The following FGD4 variants were observed in gnomAD, a reference collection of about 807,000 sequenced individuals.
The protein encoded by FGD4 is FYVE, RhoGEF and PH domain containing 4, also known as FYVE, RhoGEF and PH domain-containing protein 4.
FGD4 carries 42 observed loss-of-function variants against 102.0 expected under a neutral mutation model. That is an observed-to-expected ratio of 0.41 (90% CI 0.32 to 0.53). The LOEUF (loss-of-function observed/expected upper bound fraction) is 0.53, where lower values mean the gene tolerates loss of function less well. Ranked by LOEUF, FGD4 falls within the 20% of genes least tolerant of loss-of-function variation. FGD4 has a pLI of 0.21. For synonymous variants in FGD4, 380 were observed against 375.7 expected (o/e 1.01, Z -0.13); for missense variants, 902 against 1,078.2 (o/e 0.84, Z 2.29).
chr12:32,422,123 G>T (rs561697622), intron 1 of FGD4, among the ~76,000 whole-genome samples: 1 of 146,902 alleles, frequency 6.8e-6, no homozygotes, highest in Non-Finnish European at 1.5e-5. Context: ...CAGTGTGGGC[G>T]ACAGAATGAG....
chr12:32,532,782 G>C (rs1941922884), intron 1 of FGD4, among the ~76,000 whole-genome samples: 1 of 152,106 alleles, frequency 6.6e-6, no homozygotes, highest in Non-Finnish European at 1.5e-5. Context: ...TAACACATAT[G>C]GGTGGAGTTT....
chr12:32,581,819 A>G (rs1946640340), intron 3 of FGD4, 141 bp from the exon 4 acceptor site: 9 of 880,192 alleles, frequency 1.0e-5, no homozygotes, highest in Non-Finnish European at 1.4e-5. Flanking sequence ...CACTAAGAAT[A>G]TTCAAATCCA....
chr12:32,635,187 C>T (rs1183931329), intron 15 of FGD4, among the ~76,000 whole-genome samples: 2 of 152,094 alleles, frequency 1.3e-5, no homozygotes, highest in Admixed American at 1.3e-4. Context: ...AGATGTTACT[C>T]GTATGGCCTA....
intron 1 of FGD4, among the ~76,000 whole-genome samples, chr12:32,461,331 A>C (rs577632331): frequency 1.3e-5 from 2 of 152,284 alleles, no homozygotes; most frequent in Admixed American, 1.3e-4. Context: ...TGTATGATTC[A>C]TGATATCACC....
At chr12:32,494,091 G>C (rs936113545) in intron 1 of FGD4, among the ~76,000 whole-genome samples, 1 of 152,232 alleles carries the variant, frequency 6.6e-6, no homozygotes, top group Admixed American at 6.5e-5. Flanking sequence ...TGTTGCCCAG[G>C]CTGGAGTGCA....
chr12:32,546,915 T>A (rs1943269161), intron 1 of FGD4, among the ~76,000 whole-genome samples: 1 of 152,142 alleles, frequency 6.6e-6, no homozygotes, highest in African/African-American at 2.4e-5. Context: ...GTCTATTGAG[T>A]TATCCTAAAT....
At chr12:32,461,398 A>G (rs1386045212) in intron 1 of FGD4, among the ~76,000 whole-genome samples, 2 of 152,206 alleles carry the variant, frequency 1.3e-5, no homozygotes, top group African/African-American at 4.8e-5. Context: ...AGGAGCTCAC[A>G]TGTTATAGAA....
chr12:32,447,163 C>T (rs936896064), intron 1 of FGD4, among the ~76,000 whole-genome samples: 2 of 152,152 alleles, frequency 1.3e-5, no homozygotes, highest in Admixed American at 6.5e-5. Context: ...TCATCCAGAC[C>T]GATGACTCCT....
chr12:32,483,035 C>A (rs1353616916), intron 1 of FGD4, among the ~76,000 whole-genome samples: 1 of 152,080 alleles, frequency 6.6e-6, no homozygotes, highest in African/African-American at 2.4e-5. Flanking sequence ...TATCAAGATA[C>A]GGAATATAAT....
intron 5 of FGD4, among the ~76,000 whole-genome samples, chr12:32,599,554 TTTTTTTTTTTG>T (rs1411989345): frequency 3.2e-4 from 20 of 61,898 alleles, no homozygotes; most frequent in African/African-American, 1.1e-3. Flanking sequence ...TTTTTTTTTT[TTTTTTTTTTTG>T]GAGATGGAGT....
chr12:32,449,208 A>G (rs1942703616), intron 1 of FGD4, among the ~76,000 whole-genome samples: 1 of 152,168 alleles, frequency 6.6e-6, no homozygotes, highest in Admixed American at 6.5e-5. Context: ...TTTTGTCTTA[A>G]CAAACAAGGA....
At chr12:32,554,983 G>A (rs867656561) in intron 1 of FGD4, among the ~76,000 whole-genome samples, 4 of 152,252 alleles carry the variant, frequency 2.6e-5, no homozygotes, top group Admixed American at 6.5e-5. Flanking sequence ...ATCCATTGGA[G>A]AATTTTAAGC....
intron 11 of FGD4, 74 bp downstream of exon 11, chr12:32,619,944 T>C: frequency 6.4e-7 from 1 of 1,556,036 alleles, no homozygotes; most frequent in Non-Finnish European, 8.8e-7. Context: ...AGAATGGCTC[T>C]GAGGGTTTTT....
chr12:32,533,728 A>G (rs1303447431), intron 1 of FGD4, among the ~76,000 whole-genome samples: 1 of 152,212 alleles, frequency 6.6e-6, no homozygotes, highest in African/African-American at 2.4e-5. Flanking sequence ...CCTGGCTTTA[A>G]TCTGACATTT....
chr12:32,457,008 C>T (rs985652550), intron 1 of FGD4, among the ~76,000 whole-genome samples: 4 of 152,204 alleles, frequency 2.6e-5, no homozygotes, highest in South Asian at 2.1e-4. Flanking sequence ...AATGAAAATG[C>T]GAGAACAGGA....
chr12:32,596,083 G>T (rs1227303982), intron 4 of FGD4, among the ~76,000 whole-genome samples: 1 of 152,136 alleles, frequency 6.6e-6, no homozygotes, highest in African/African-American at 2.4e-5. Flanking sequence ...ATATACTTTG[G>T]TCTACTTTGC....
intron 1 of FGD4, among the ~76,000 whole-genome samples, chr12:32,471,790 G>T (rs990624856): frequency 6.6e-6 from 1 of 152,114 alleles, no homozygotes; most frequent in African/African-American, 2.4e-5. Flanking sequence ...TTCCAACAGG[G>T]AGGCAGTGGA....
At chr12:32,621,872 C>T (rs942030938) in intron 11 of FGD4, among the ~76,000 whole-genome samples, 1 of 149,652 alleles carries the variant, frequency 6.7e-6, no homozygotes, top group Non-Finnish European at 1.5e-5. Context: ...AGCTACTGGC[C>T]CTGGCAACAG....
intron 1 of FGD4, among the ~76,000 whole-genome samples, chr12:32,414,415 G>A (rs1250334816): frequency 1.3e-5 from 2 of 152,140 alleles, no homozygotes; most frequent in Non-Finnish European, 2.9e-5. Context: ...ACCATCCTGT[G>A]AAGCATTCAT....
Sources: allele counts gnomAD v4.1 joint callset (sites outside exome capture counted in the v4.1 genomes callset), GRCh38; gene constraint gnomAD v4.1.1; transcripts MANE v1.5; gene names NCBI Gene and HGNC (gene_info 2026-07-23, HGNC 2026-07-21).